ZNF444: variants seen among roughly 807,000 people sequenced by gnomAD.
The protein encoded by ZNF444 is zinc finger protein 444.
In ZNF444, 8 loss-of-function variants were observed where a neutral mutation model predicts 14.4. The ratio of observed to expected loss-of-function variants is 0.56; its 90% confidence interval spans 0.33 to 1.00. ZNF444 has a LOEUF of 1.00. Ranked by LOEUF, ZNF444 falls within the 50% of genes least tolerant of loss-of-function variation. The probability of loss-of-function intolerance (pLI) is 0.03; values close to 1 mark genes in which losing one functional copy is unlikely to be tolerated. For missense variants in ZNF444, 510 were observed against 504.8 expected (o/e 1.01, Z -0.10); for synonymous variants, 258 against 235.9 (o/e 1.09, Z -0.86).
intron 3 of ZNF444, among the ~76,000 whole-genome samples, chr19:56,149,261 G>A (rs534941750): frequency 2.8e-4 from 32 of 114,150 alleles, no homozygotes; most frequent in Admixed American, 6.5e-4. Context: ...TCACTCCTCC[G>A]ACCTTGACCT....
upstream of ZNF444, chr19:56,140,984 G>A (rs1190243752): frequency 1.3e-5 from 2 of 152,160 alleles, no homozygotes; most frequent in Non-Finnish European, 2.9e-5. Context: ...AAAGCCTGTC[G>A]CGCTCAGACA....
chr19:56,152,499 T>TA lies in ZNF444; in HGVS notation c.297+5293dup, dbSNP rs1432599459. ...CAGGGTTTTGTTTTTTTTTTTTTTT[T>TA]AATAGAGCTGGTTTACGTCTCTGAA... is the stretch of plus-strand genomic sequence containing the variant. On this transcript the variant is annotated intron_variant, in intron 3 of 4. Transcript: ENST00000337080. Among the ~76,000 whole-genome samples the TA allele has an allele frequency of 4.7e-5, 7 of 149,614 alleles. No individual in the cohort carries two copies. The South Asian group carries it at 1.5e-3, about 32-fold the overall frequency.
In ZNF444 at chr19:56,159,806, C is replaced by T. The variant is rs1030579692; in HGVS notation, c.589C>T (p.His197Tyr). Reference sequence around the variant, plus strand: ...CCTGAAACCAGCTCACCTGCTGCGCCACCGGCAGAGCCACTCGGGCGAGAA... The same window carrying T: ...CCTGAAACCAGCTCACCTGCTGCGCTACCGGCAGAGCCACTCGGGCGAGAA... ...TSLKPAHLLR[H>Y]RQSHSGEKPH... The change falls in exon 5 of 5, where the codon CAC becomes TAC. Residue 197 changes from histidine (H) to tyrosine (Y), a missense_variant. By Grantham distance (83) the His-to-Tyr change is moderately conservative. Transcript: ENST00000337080. 1 of 1,585,764 alleles carries T rather than the reference C, an allele frequency of 6.3e-7. No homozygotes were observed. Among genetic ancestry groups the T allele is most frequent in the Admixed American group, 1.7e-5 (1 of 57,638 alleles).
At chr19:56,136,717 G>A (rs539144882), upstream of ZNF444, among the ~76,000 whole-genome samples, 7 of 152,292 alleles carry the variant, frequency 4.6e-5, no homozygotes, top group Middle Eastern at 3.4e-3. Context: ...CCTTGTTGAA[G>A]TAAATCGCTG....
chr19:56,160,418 C>A lies in ZNF444; in HGVS notation c.*217C>A, dbSNP rs182564045. 3 of 482,908 alleles carry A rather than the reference C, an allele frequency of 6.2e-6. No homozygotes were observed. The South Asian group carries it at 1.0e-4, about 16-fold the overall frequency. The allele number at this position is 482,908 out of a possible 1,614,324, so 29.9% of individuals were successfully genotyped here. The stretch of plus-strand genomic sequence containing the variant: ...CCTTCTCAGGTCTCACCTCAGCCCC[C>A]CCCTTCTCCCTGATTTCTCGGCCTC... On this transcript the variant is annotated 3_prime_UTR_variant, in exon 5 of 5. Coordinates refer to ENST00000337080, the MANE Select transcript of ZNF444 (RefSeq NM_018337.4).
At chr19:56,134,141 C>T (rs944388837) in intron 1 of ZNF444, among the ~76,000 whole-genome samples, 2 of 152,130 alleles carry the variant, frequency 1.3e-5, no homozygotes, top group Non-Finnish European at 2.9e-5. Context: ...ACCCATAAAC[C>T]CAACCCGAGC....
chr19:56,148,838 G>GCC (rs2031378696), intron 3 of ZNF444, among the ~76,000 whole-genome samples: 1 of 152,150 alleles, frequency 6.6e-6, no homozygotes, highest in African/African-American at 2.4e-5. Context: ...AAATCGAGGT[G>GCC]TCTGCAGGGC....
At position 56,159,912 on chromosome 19, in the gene ZNF444, G is replaced by A. The variant is rs773473549; in HGVS notation, c.695G>A (p.Ser232Asn). The A allele has an allele frequency of 7.3e-7, 1 of 1,376,632 alleles. No homozygotes were observed. Among genetic ancestry groups the A allele is most frequent in the South Asian group, 1.3e-5 (1 of 79,148 alleles). The allele number at this position is 1,376,632 out of a possible 1,614,324, so 85.3% of individuals were successfully genotyped here. Reference sequence around the variant, plus strand: ...CGCCACCGCGACACGCACCCCGGCAGCCCCGGCAGCCCCGGGCCCGCGCTG... The same window carrying A: ...CGCCACCGCGACACGCACCCCGGCAACCCCGGCAGCCCCGGGCCCGCGCTG... ...LRRHRDTHPGSPGSPGPALRP... is the reference protein window; with the variant it reads ...LRRHRDTHPGNPGSPGPALRP... Residue 232 changes from serine (S) to asparagine (N), a missense_variant, in exon 5 of 5, where the codon AGC becomes AAC. Coordinates refer to ENST00000337080, the MANE Select transcript of ZNF444 (RefSeq NM_018337.4).
At chr19:56,138,630 C>G (rs1414610399), upstream of ZNF444, among the ~76,000 whole-genome samples, 1 of 151,962 alleles carries the variant, frequency 6.6e-6, no homozygotes, top group African/African-American at 2.4e-5. Context: ...CAGACCCTGT[C>G]TCAAATAAAT....
intron 1 of ZNF444, among the ~76,000 whole-genome samples, chr19:56,135,627 C>A (rs1050641344): frequency 6.6e-6 from 1 of 151,970 alleles, no homozygotes; most frequent in Non-Finnish European, 1.5e-5. Flanking sequence ...CTGTTTCTTC[C>A]TGCTTATCAG....
At chr19:56,143,082 G>A (rs1472312223) in intron 1 of ZNF444, among the ~76,000 whole-genome samples, 1 of 152,194 alleles carries the variant, frequency 6.6e-6, no homozygotes, top group African/African-American at 2.4e-5. Context: ...GTGCTTTGCG[G>A]ACACAGACAG....
chr19:56,140,605 A>T (rs1272916263), upstream of ZNF444, among the ~76,000 whole-genome samples: 1 of 152,094 alleles, frequency 6.6e-6, no homozygotes, highest in Non-Finnish European at 1.5e-5. Context: ...CCCACCCCGG[A>T]ACAGGAGGGC....
At chr19:56,150,361 G>A (rs996057604) in intron 3 of ZNF444, 7 of 264,704 alleles carry the variant, frequency 2.6e-5, no homozygotes, top group East Asian at 1.9e-4. Flanking sequence ...TCTAAAAGTC[G>A]GGAAATCACC....
intron 3 of ZNF444, among the ~76,000 whole-genome samples, chr19:56,148,137 G>A (rs1160736721): frequency 1.3e-5 from 2 of 152,238 alleles, no homozygotes; most frequent in Non-Finnish European, 2.9e-5. Context: ...ACCCCAATGT[G>A]TTCAAAATAC....
rs201128759 is a variant in ZNF444, at chr19:56,159,970, G to T, written c.753G>T (p.Ala251=). 1.3e-6 allele frequency: 2 copies of T among 1,510,052 alleles called. No individual in the cohort carries two copies. The highest frequency in any genetic ancestry group is 2.7e-5 in the East Asian group (1 of 37,734). 93.5% of individuals were successfully genotyped at this position (1,510,052 alleles called of 1,614,324 possible). The change falls in exon 5 of 5, where the codon GCG becomes GCT. Residue 251 remains alanine (A), a synonymous_variant. Transcript: ENST00000337080. The stretch of plus-strand genomic sequence containing the variant: ...TGCCCGCCCGTGAGAAGCCCCACGC[G>T]TGCTGCGAGTGTGGCAAGACCTTCT... ...RPLPAREKPH[A]CCECGKTFYW...
chr19:56,157,923 TC>T (rs2032009405), intron 3 of ZNF444: 1 of 152,134 alleles, frequency 6.6e-6, no homozygotes, highest in Non-Finnish European at 1.5e-5. Flanking sequence ...TTTTTGGTCT[TC>T]CTGGTTGGTG....
chr19:56,157,804 T>TAA (rs2032001716), intron 3 of ZNF444: 1 of 152,190 alleles, frequency 6.6e-6, no homozygotes, highest in Non-Finnish European at 1.5e-5. Flanking sequence ...GTGACTTAGC[T>TAA]GTCATAGGCA....
At position 56,147,166 on chromosome 19, in the gene ZNF444, G is replaced by T. The variant is rs1357187656; in HGVS notation, c.255G>T (p.Pro85=). The T allele has an allele frequency of 1.1e-5, 16 of 1,498,922 alleles. No individual in the cohort carries two copies. The highest frequency in any genetic ancestry group is 1.2e-5 in the Non-Finnish European group (13 of 1,129,908). 92.9% of individuals were successfully genotyped at this position (1,498,922 alleles called of 1,614,324 possible). Residue 85 remains proline (P), a synonymous_variant, in exon 3 of 5, where the codon CCG becomes CCT. Coordinates refer to ENST00000337080, the MANE Select transcript of ZNF444 (RefSeq NM_018337.4). This position sits in a 1 kb window ranked among gnomAD's most constrained non-coding sequence, Gnocchi z 5.9. ...DTQAWVCSRQ[P]QSGEEAVALL... is the part of the protein sequence containing the mutation. ...AGGCCTGGGTGTGCAGCCGGCAGCC[G>T]CAGAGCGGGGAGGAGGCGGTGGCCC...
rs535288235 is a variant in ZNF444 at position 56,147,253 on chromosome 19, G to A, written c.297+45G>A. ...AAGCGGGGAAGGGAGAGGGGAAGGT[G>A]CCAGGGAAGCCACCAGGAAGCCCAG... On this transcript the variant is annotated intron_variant, in intron 3 of 4. Coordinates refer to ENST00000337080, the MANE Select transcript of ZNF444 (RefSeq NM_018337.4). The surrounding 1 kb of genome is among the most constrained non-coding windows in gnomAD (Gnocchi z 5.9). 107 of 1,392,724 alleles carry A rather than the reference G, an allele frequency of 7.7e-5. No homozygotes were observed. The East Asian group carries it at 2.3e-3, about 30-fold the overall frequency. 86.3% of individuals were successfully genotyped at this position (1,392,724 alleles called of 1,614,324 possible).
Sources: allele counts gnomAD v4.1 joint callset (sites outside exome capture counted in the v4.1 genomes callset), GRCh38; gene constraint gnomAD v4.1.1; non-coding constraint Gnocchi (gnomAD v3.1); transcripts MANE v1.5; gene names NCBI Gene and HGNC (gene_info 2026-07-23, HGNC 2026-07-21).